The following PCDH15 variants were observed in gnomAD, a reference collection of about 807,000 sequenced individuals.
PCDH15 encodes the protein protocadherin related 15.
PCDH15 carries 129 observed loss-of-function variants against 178.5 expected under a neutral mutation model. The ratio of observed to expected loss-of-function variants is 0.72; its 90% CI spans 0.63 to 0.84. PCDH15 has a LOEUF of 0.84. PCDH15 is among the 40% of genes least tolerant of loss of function. The pLI is 0.00. For missense variants in PCDH15, 2,230 were observed against 2,099.9 expected, an observed-to-expected ratio of 1.06 and a Z score of -1.21; for synonymous variants, 800 against 732.0, an observed-to-expected ratio of 1.09 and a Z score of -1.50.
intron 2 of PCDH15, among the ~76,000 whole-genome samples, chr10:55,510,435 A>G (rs924730519): frequency 2.0e-5 from 3 of 151,986 alleles, no homozygotes; most frequent in African/African-American, 7.2e-5. Context: ...TCAGAAAAGC[A>G]ATAGTGTAAA....
chr10:55,528,788 T>C (rs544190469), intron 2 of PCDH15, among the ~76,000 whole-genome samples: 2 of 152,118 alleles, frequency 1.3e-5, no homozygotes, highest in Non-Finnish European at 1.5e-5. Context: ...TCTAGATCCT[T>C]GAGGAATCGC....
At chr10:55,209,151 C>A (rs1840490155) in intron 1 of PCDH15, among the ~76,000 whole-genome samples, 1 of 151,942 alleles carries the variant, frequency 6.6e-6, no homozygotes, top group Non-Finnish European at 1.5e-5. Context: ...TTTACACAGG[C>A]AAAGAAAGAC....
At chr10:54,852,204 A>G (rs1462680479) in intron 3 of PCDH15, among the ~76,000 whole-genome samples, 5 of 152,176 alleles carry the variant, frequency 3.3e-5, no homozygotes, top group African/African-American at 7.2e-5. Context: ...CAATGTATGA[A>G]TGAAAAAGCA....
At chr10:54,035,234 C>T (rs2093388693) in intron 18 of PCDH15, among the ~76,000 whole-genome samples, 2 of 151,868 alleles carry the variant, frequency 1.3e-5, no homozygotes, top group Non-Finnish European at 2.9e-5. Context: ...TACAGGCACA[C>T]TCTGTTTCAT....
chr10:54,392,741 A>T (rs1950712375), intron 3 of PCDH15, among the ~76,000 whole-genome samples: 2 of 151,692 alleles, frequency 1.3e-5, no homozygotes, highest in African/African-American at 2.4e-5. Flanking sequence ...TCTACTAAAA[A>T]TACAAAAATT....
chr10:54,232,924 C>CTTTTT (rs762364718), intron 9 of PCDH15, among the ~76,000 whole-genome samples: 14 of 109,188 alleles, frequency 1.3e-4, no homozygotes, highest in African/African-American at 3.0e-4. Flanking sequence ...AGCTTTCTTT[C>CTTTTT]TTTTTTTTTT....
At chr10:54,553,075 A>G (rs957868384) in intron 2 of PCDH15, among the ~76,000 whole-genome samples, 1 of 152,186 alleles carries the variant, frequency 6.6e-6, no homozygotes, top group Non-Finnish European at 1.5e-5. Flanking sequence ...CCAGACTCCA[A>G]AGCTCCATAA....
At chr10:54,242,938 T>C (rs1410740864) in intron 8 of PCDH15, among the ~76,000 whole-genome samples, 1 of 152,196 alleles carries the variant, frequency 6.6e-6, no homozygotes, top group African/African-American at 2.4e-5. Context: ...ATTGCTTAGA[T>C]CTTTACACTG....
At chr10:55,562,993 G>A (rs539546324) in intron 2 of PCDH15, among the ~76,000 whole-genome samples, 2 of 152,016 alleles carry the variant, frequency 1.3e-5, no homozygotes, top group African/African-American at 2.4e-5. Context: ...AATTTCAGCC[G>A]TTAGCTTAGG....
Position 54,183,450 on chromosome 10 carries a change from G to T in PCDH15, c.1584C>A (p.Val528=). 1 of 1,611,332 alleles carries T rather than the reference G, an allele frequency of 6.2e-7. No individual in the cohort carries two copies. The highest frequency in any genetic ancestry group is 1.1e-5 in the South Asian group (1 of 91,010). ...ATATTATGTGAGTAGTTACCTGTATGACACTGTCCCCAGGTCTCATGTCTG... is the reference window on the plus strand; with the variant it reads ...ATATTATGTGAGTAGTTACCTGTATTACACTGTCCCCAGGTCTCATGTCTG... ...VYTDMRPGDS[V]IQLTAVDADE... The change falls in exon 13 of 38, where the codon GTC becomes GTA. Residue 528 remains valine (V), a synonymous_variant. Coordinates refer to ENST00000644397, the MANE Select transcript of PCDH15 (RefSeq NM_001384140.1).
intron 15 of PCDH15, among the ~76,000 whole-genome samples, chr10:54,093,761 ATT>A (rs570294186): frequency 2.4e-4 from 37 of 152,298 alleles, no homozygotes; most frequent in Non-Finnish European, 5.0e-4. Context: ...CTTCAATTAT[ATT>A]ACTATTTCTG....
At chr10:54,110,766 T>A (rs2095006147) in intron 15 of PCDH15, among the ~76,000 whole-genome samples, 2 of 152,290 alleles carry the variant, frequency 1.3e-5, no homozygotes, top group South Asian at 2.1e-4. Context: ...ACTGGGAAAA[T>A]CAGAGACGAA....
intron 3 of PCDH15, among the ~76,000 whole-genome samples, chr10:54,816,826 C>T (rs1178407024): frequency 6.6e-6 from 1 of 151,998 alleles, no homozygotes; most frequent in Non-Finnish European, 1.5e-5. Context: ...GATGTCCCTA[C>T]CCAAGTCACT....
chr10:55,601,347 G>C (rs1843072074), intron 2 of PCDH15, among the ~76,000 whole-genome samples: 1 of 152,168 alleles, frequency 6.6e-6, no homozygotes, highest in Admixed American at 6.5e-5. Context: ...AAGATAATTA[G>C]AGGAGGATGT....
chr10:54,085,338 T>C (rs2094498524), intron 16 of PCDH15, among the ~76,000 whole-genome samples: 1 of 152,128 alleles, frequency 6.6e-6, no homozygotes, highest in African/African-American at 2.4e-5. Flanking sequence ...TGAAATTCTC[T>C]TATTTAGCAC....
At chr10:55,181,638 A>G (rs1220692223) in intron 1 of PCDH15, among the ~76,000 whole-genome samples, 1 of 152,012 alleles carries the variant, frequency 6.6e-6, no homozygotes, top group Non-Finnish European at 1.5e-5. Context: ...TGTTTAAAAA[A>G]GAAGGCTAAC....
In PCDH15 at chr10:53,977,463, C is replaced by T. The variant is rs2090278631; in HGVS notation, c.2869-15571G>A. 2.0e-5 allele frequency among the ~76,000 whole-genome samples: 3 copies of T among 152,220 alleles called. No homozygotes were observed. In the South Asian group the frequency reaches 6.2e-4, roughly 32 times the overall value. ...GCTTGATCCTAGACCAAACCCCTGA[C>T]ATTTCAGTAACACTTACGTGTATGT... On this transcript the variant is annotated intron_variant, in intron 21 of 37. Transcript: ENST00000644397.
At chr10:54,158,395 A>G (rs990254552) in intron 13 of PCDH15, among the ~76,000 whole-genome samples, 3 of 152,166 alleles carry the variant, frequency 2.0e-5, no homozygotes, top group Non-Finnish European at 2.9e-5. Context: ...TATCATGAGA[A>G]CAGCAAGGGA....
chr10:54,644,913 T>C (rs2094090468), intron 2 of PCDH15, among the ~76,000 whole-genome samples: 2 of 152,140 alleles, frequency 1.3e-5, no homozygotes, highest in South Asian at 4.1e-4. Flanking sequence ...GCATTCGTCT[T>C]CTCCAAAGGA....
Sources: gnomAD v4.1 joint callset for allele counts (sites outside exome capture counted in the v4.1 genomes callset) on GRCh38, gnomAD v4.1.1 for gene constraint, MANE v1.5 for transcripts, NCBI Gene and HGNC (gene_info 2026-07-23, HGNC 2026-07-21) for gene names.